SCLT1: variants seen among roughly 807,000 people sequenced by gnomAD.
SCLT1 encodes the protein sodium channel-associated protein 1.
A neutral mutation model predicts 112.8 loss-of-function variants in SCLT1; 78 were observed. The observed-to-expected ratio is 0.69, with a 90% CI of 0.58 to 0.83. The LOEUF is 0.83. SCLT1 is among the 40% of genes least tolerant of loss of function. The pLI is 0.00. For missense variants in SCLT1, 747 were observed against 770.4 expected, an observed-to-expected ratio of 0.97 and a Z score of 0.36; for synonymous variants, 257 against 254.7, an observed-to-expected ratio of 1.01 and a Z score of -0.09.
chr4:129,011,533 G>A (rs957885084), intron 5 of SCLT1, among the ~76,000 whole-genome samples: 2 of 151,982 alleles, frequency 1.3e-5, no homozygotes, highest in African/African-American at 2.4e-5. Flanking sequence ...TTTGAAGTTG[G>A]GCAGTGTGAT....
chr4:128,901,867 T>C (rs1313473868), intron 18 of SCLT1, among the ~76,000 whole-genome samples: 1 of 152,132 alleles, frequency 6.6e-6, no homozygotes, highest in East Asian at 1.9e-4. Flanking sequence ...TATGCACATA[T>C]ATGTACACAC....
chr4:128,886,482 A>C (rs1560800638), intron 20 of SCLT1, among the ~76,000 whole-genome samples: 1 of 152,210 alleles, frequency 6.6e-6, no homozygotes, highest in Non-Finnish European at 1.5e-5. Context: ...TAAAGATAAA[A>C]ATTAAAAAAA....
At chr4:129,037,610 C>T (rs1747299430) in intron 5 of SCLT1, 1 of 152,108 alleles carries the variant, frequency 6.6e-6, no homozygotes, top group Admixed American at 6.5e-5. Context: ...TTCCTAACCC[C>T]AGGATTATAG....
chr4:128,919,222 A>C (rs1208597918), intron 18 of SCLT1, among the ~76,000 whole-genome samples: 1 of 151,836 alleles, frequency 6.6e-6, no homozygotes, highest in Non-Finnish European at 1.5e-5. Flanking sequence ...TACTAAACAC[A>C]CTCTTGGACC....
At chr4:128,959,475 A>C (rs1172336724) in intron 12 of SCLT1, 125 bp downstream of exon 12, 1 of 681,244 alleles carries the variant, frequency 1.5e-6, no homozygotes, top group Non-Finnish European at 2.5e-6. Flanking sequence ...ATGATTACTA[A>C]TGAAAAGAGT....
chr4:129,030,096 T>G (rs1021744957), intron 5 of SCLT1, among the ~76,000 whole-genome samples: 9 of 151,624 alleles, frequency 5.9e-5, no homozygotes, highest in Non-Finnish European at 1.2e-4. Flanking sequence ...AAGAATGGAG[T>G]TCATAACAAA....
chr4:129,043,388 T>A lies in SCLT1; in HGVS notation c.234+7A>T. 1 of 1,373,780 alleles carries A rather than the reference T, an allele frequency of 7.3e-7. No individual in the cohort carries two copies. Among genetic ancestry groups the A allele is most frequent in the Non-Finnish European group, 1.0e-6 (1 of 973,002 alleles). 85.1% of individuals were successfully genotyped at this position (1,373,780 alleles called of 1,614,324 possible). A position where few individuals can be genotyped will look rare whatever the true frequency, so the allele number is the denominator to read the frequency against. Reference sequence around the variant, plus strand: ...ATTACAAAAGCCTCATAACTATGATTTCATACCTGGTAATATTTCAGCTGC... The same window carrying A: ...ATTACAAAAGCCTCATAACTATGATATCATACCTGGTAATATTTCAGCTGC... On this transcript the variant is annotated splice_region_variant and intron_variant, in intron 4 of 20. Transcript: ENST00000281142.
chr4:129,052,753 TTTC>T (rs1748930526), intron 2 of SCLT1, among the ~76,000 whole-genome samples: 2 of 152,200 alleles, frequency 1.3e-5, no homozygotes, highest in South Asian at 4.1e-4. Flanking sequence ...ATCTTAGTTA[TTTC>T]TTGTCTTCTG....
intron 5 of SCLT1, among the ~76,000 whole-genome samples, chr4:129,029,418 G>A (rs898483743): frequency 1.3e-5 from 2 of 151,306 alleles, no homozygotes; most frequent in African/African-American, 2.4e-5. Context: ...TCAGCAAACT[G>A]TCTCAAGGAC....
chr4:128,944,565 G>A (rs1160897882), intron 16 of SCLT1: 1 of 152,090 alleles, frequency 6.6e-6, no homozygotes, highest in Non-Finnish European at 1.5e-5. Context: ...CAAAAATACA[G>A]AAAAGGGGAT....
intron 2 of SCLT1, among the ~76,000 whole-genome samples, chr4:129,053,605 T>C (rs1324377983): frequency 3.0e-5 from 4 of 133,604 alleles, no homozygotes; most frequent in African/African-American, 1.1e-4. Context: ...TCCATTTGCT[T>C]GGTAAATATT....
chr4:129,004,989 T>C (rs956963756), intron 5 of SCLT1, among the ~76,000 whole-genome samples: 3 of 151,718 alleles, frequency 2.0e-5, no homozygotes, highest in African/African-American at 4.8e-5. Flanking sequence ...ATAGAGAAAA[T>C]GATCAGTATA....
chr4:129,074,572 AC>A (rs1475164628), intron 2 of SCLT1, among the ~76,000 whole-genome samples: 1 of 152,212 alleles, frequency 6.6e-6, no homozygotes, highest in Non-Finnish European at 1.5e-5. Flanking sequence ...TGCCTAAAAA[AC>A]ATTTACAAAT....
At position 129,093,074 on chromosome 4, in the gene SCLT1, C is replaced by T; in HGVS notation, c.30G>A (p.Glu10=). ...TCAAAAAAACATGGAGCTTACTTTG[C>T]TCTCTCAGAAAGTCGATTTCTGCAG... The part of the protein sequence containing the change: MAAEIDFLR[E]QNRRLNEDFR... The change falls in exon 1 of 21, where the codon GAG becomes GAA. Residue 10 remains glutamate (E), a synonymous_variant. Coordinates refer to ENST00000281142, the MANE Select transcript of SCLT1 (RefSeq NM_144643.4). 1 of 1,610,826 alleles carries T rather than the reference C, an allele frequency of 6.2e-7. No homozygotes were observed. Among genetic ancestry groups the T allele is most frequent in the Non-Finnish European group, 8.5e-7 (1 of 1,176,934 alleles).
At chr4:128,974,435 A>G (rs1487297175) in intron 9 of SCLT1, among the ~76,000 whole-genome samples, 6 of 151,746 alleles carry the variant, frequency 4.0e-5, no homozygotes, top group Non-Finnish European at 8.8e-5. Context: ...CCCTGATGGG[A>G]ACTCCTGCCT....
chr4:129,000,749 G>GC (rs2126083808), intron 6 of SCLT1, among the ~76,000 whole-genome samples: 1 of 151,960 alleles, frequency 6.6e-6, no homozygotes, highest in East Asian at 1.9e-4. Flanking sequence ...GGTATACCAT[G>GC]CATTCAGAAA....
chr4:128,888,799 G>A, intron 19 of SCLT1, 25 bp from the exon 20 acceptor site: 7 of 1,424,118 alleles, frequency 4.9e-6, no homozygotes, highest in Non-Finnish European at 6.9e-6. Context: ...TAGAAAACAA[G>A]TTAGAAATCC....
rs576733757 is a variant in SCLT1 at position 128,893,168 on chromosome 4, C to A, written c.1830-2031G>T. ...TACACAAAACCTTTTCAGGAAAACA[C>A]CTACTGGTATAATTTCATGCCTAAA... is the stretch of plus-strand genomic sequence containing the variant. On this transcript the variant is annotated intron_variant, in intron 18 of 20. Coordinates refer to ENST00000281142, the MANE Select transcript of SCLT1 (RefSeq NM_144643.4). 1.2e-4 allele frequency among the ~76,000 whole-genome samples: 17 copies of A among 139,572 alleles called. No homozygotes were observed. In the East Asian group the frequency reaches 1.9e-3, roughly 16 times the overall value. The allele number at this position is 139,572 out of a possible 152,430, so 91.6% of individuals were successfully genotyped here. A position where few individuals can be genotyped will look rare whatever the true frequency, so the allele number is the denominator to read the frequency against.
intron 2 of SCLT1, among the ~76,000 whole-genome samples, chr4:129,048,740 G>C (rs1748445652): frequency 6.6e-6 from 1 of 151,998 alleles, no homozygotes; most frequent in African/African-American, 2.4e-5. Flanking sequence ...TCTGACAAAG[G>C]CCTAATATCC....
Sources: allele counts gnomAD v4.1 joint callset (sites outside exome capture counted in the v4.1 genomes callset), GRCh38; gene constraint gnomAD v4.1.1; transcripts MANE v1.5; gene names NCBI Gene and HGNC (gene_info 2026-07-23, HGNC 2026-07-21).